Variants in ZBTB46 observed in about 807,000 individuals in gnomAD.
The protein encoded by ZBTB46 is zinc finger and BTB domain-containing protein 46.
Under a neutral mutation model 44.1 loss-of-function variants are expected in ZBTB46, and 8 were observed. The observed-to-expected ratio is 0.18, with a 90% CI of 0.11 to 0.33. ZBTB46 has a LOEUF of 0.33. Ranked by LOEUF, ZBTB46 falls within the 10% of genes least tolerant of loss-of-function variation. The probability of loss-of-function intolerance (pLI) is 1.00; values close to 1 mark genes in which losing one functional copy is unlikely to be tolerated. For missense variants in ZBTB46, 651 were observed against 847.7 expected (o/e 0.77, Z 2.88); for synonymous variants, 409 against 382.3 (o/e 1.07, Z -0.81).
At chr20:63,811,125 C>T (rs1256291255) in intron 1 of ZBTB46, among the ~76,000 whole-genome samples, 1 of 152,030 alleles carries the variant, frequency 6.6e-6, no homozygotes, top group Non-Finnish European at 1.5e-5. Context: ...AGCCCCACCC[C>T]GCCCAGCCCA....
At chr20:63,749,751 G>A (rs191422225) in intron 4 of ZBTB46, among the ~76,000 whole-genome samples, 171 of 152,338 alleles carry the variant, frequency 1.1e-3, no homozygotes, top group Non-Finnish European at 2.1e-3. Flanking sequence ...GTTGGAGCGG[G>A]GCTAGTGAAA....
At chr20:63,769,186 G>C in intron 3 of ZBTB46, 1 of 985,360 alleles carries the variant, frequency 1.0e-6, no homozygotes, top group Non-Finnish European at 1.2e-6. Flanking sequence ...GGGTGTCAGG[G>C]ACACCATGCC....
At chr20:63,758,836 A>G (rs2092248771) in intron 3 of ZBTB46, among the ~76,000 whole-genome samples, 1 of 150,122 alleles carries the variant, frequency 6.7e-6, no homozygotes, top group Admixed American at 6.7e-5. Flanking sequence ...GGTTCACGCC[A>G]TTCTCCTGCC....
intron 2 of ZBTB46, among the ~76,000 whole-genome samples, chr20:63,778,237 G>T (rs1241360607): frequency 6.6e-6 from 1 of 152,150 alleles, no homozygotes; most frequent in Non-Finnish European, 1.5e-5. Context: ...ACAACAAAAG[G>T]TGACGACTTG....
intron 3 of ZBTB46, among the ~76,000 whole-genome samples, chr20:63,760,824 G>A (rs923878456): frequency 3.4e-5 from 5 of 148,214 alleles, no homozygotes; most frequent in Non-Finnish European, 7.5e-5. Flanking sequence ...CGGTTTTGGG[G>A]TTTGCCCAGG....
chr20:63,822,759 G>A lies in ZBTB46; in HGVS notation c.-34+8338C>T, dbSNP rs185379412. On this transcript the variant is annotated intron_variant, in intron 1 of 4. Coordinates refer to ENST00000245663, the MANE Select transcript of ZBTB46 (RefSeq NM_001369741.1). ...CCAGGTGCTATGGCTCACACCTGTC[G>A]TCCCAGCACTTTGGGAGGCTGAGGC... Among the ~76,000 whole-genome samples, 59 of 152,216 alleles carry A rather than the reference G, an allele frequency of 3.9e-4. No homozygotes were observed. The East Asian group carries it at 9.3e-3, about 24-fold the overall frequency.
At chr20:63,830,826 C>A (rs1290184673) in intron 1 of ZBTB46, among the ~76,000 whole-genome samples, 2 of 144,256 alleles carry the variant, frequency 1.4e-5, no homozygotes, top group African/African-American at 2.5e-5. Context: ...CCGCGCCGCC[C>A]CCGCGCGCCC....
intron 1 of ZBTB46, among the ~76,000 whole-genome samples, chr20:63,823,858 T>TTGTGTGTGTG (rs11474683): frequency 0.017 from 2,414 of 144,802 alleles, 61 homozygotes; most frequent in East Asian, 0.11. Flanking sequence ...TCTAGGAACC[T>TTGTGTGTGTG]TGTGTGTGTG....
At chr20:63,771,548 G>A (rs2092373266) in intron 3 of ZBTB46, among the ~76,000 whole-genome samples, 1 of 152,076 alleles carries the variant, frequency 6.6e-6, no homozygotes, top group Non-Finnish European at 1.5e-5. Flanking sequence ...CCTGGGTACC[G>A]GCGAGTGGGG....
At chr20:63,777,416 G>A (rs936593924) in intron 2 of ZBTB46, among the ~76,000 whole-genome samples, 2 of 152,196 alleles carry the variant, frequency 1.3e-5, no homozygotes, top group African/African-American at 4.8e-5. Context: ...GTGGTGAGCT[G>A]TGATCGAGCC....
chr20:63,770,808 G>A (rs1391625611), intron 3 of ZBTB46, among the ~76,000 whole-genome samples: 2 of 152,216 alleles, frequency 1.3e-5, no homozygotes, highest in African/African-American at 2.4e-5. Flanking sequence ...AGTGAGGACC[G>A]CCGTGTCCCC....
In ZBTB46 at chr20:63,787,576, C is replaced by T. The variant is rs2092525971; in HGVS notation, c.937+2245G>A. 1 of 152,190 alleles carries T rather than the reference C, an allele frequency of 6.6e-6. No individual in the cohort carries two copies. Among genetic ancestry groups the T allele is most frequent in the Non-Finnish European group, 1.5e-5 (1 of 68,038 alleles). The allele number at this position is 152,190 out of a possible 1,614,324, so 9.4% of individuals were successfully genotyped here. A position where few individuals can be genotyped will look rare whatever the true frequency, so the allele number is the denominator to read the frequency against. ...CACAGCTGCCTGCAGTGCTCAGCAC[C>T]GTAACTAACACTGGCAGGTTTGTGC... On this transcript the variant is annotated intron_variant, in intron 2 of 4. Coordinates refer to ENST00000245663, the MANE Select transcript of ZBTB46 (RefSeq NM_001369741.1). The surrounding 1 kb of genome is among the most constrained non-coding windows in gnomAD (Gnocchi z 4.6).
intron 1 of ZBTB46, among the ~76,000 whole-genome samples, chr20:63,807,318 CT>C (rs779291937): frequency 1.3e-5 from 2 of 151,462 alleles, no homozygotes; most frequent in Non-Finnish European, 2.9e-5. Flanking sequence ...ACTACTGATT[CT>C]TTATTTGTTA....
intron 4 of ZBTB46, among the ~76,000 whole-genome samples, chr20:63,748,637 G>C (rs1887406): frequency 0.17 from 26,472 of 152,164 alleles, 2,867 homozygotes; most frequent in East Asian, 0.58. Context: ...AAGTCCACAC[G>C]AGGGGCTTCT....
intron 1 of ZBTB46, among the ~76,000 whole-genome samples, chr20:63,799,639 C>A (rs1222093418): frequency 6.6e-6 from 1 of 152,234 alleles, no homozygotes; most frequent in Non-Finnish European, 1.5e-5. Context: ...CAAGCCACCA[C>A]GTGTAGCCTG....
intron 2 of ZBTB46, among the ~76,000 whole-genome samples, chr20:63,781,140 CAAAAAAAAAAA>C (rs58102231): frequency 3.6e-5 from 3 of 83,934 alleles, no homozygotes; most frequent in African/African-American, 5.4e-5. Context: ...GACTCTGCCT[CAAAAAAAAAAA>C]AAAAAAAAAA....
intron 2 of ZBTB46, among the ~76,000 whole-genome samples, chr20:63,788,822 C>G (rs1284092800): frequency 1.3e-5 from 2 of 149,208 alleles, no homozygotes; most frequent in African/African-American, 4.9e-5. Context: ...CTGGGCAACA[C>G]GGTGAGACTG....
At chr20:63,824,576 ATCCCACCCAAAATTTC>A (rs1451022638) in intron 1 of ZBTB46, among the ~76,000 whole-genome samples, 2 of 152,088 alleles carry the variant, frequency 1.3e-5, no homozygotes, top group Admixed American at 1.3e-4. Flanking sequence ...AGAGGTTCTA[ATCCCACCCAAAATTTC>A]ACGTGGCCAA....
In ZBTB46 at chr20:63,775,685, C is replaced by G; in HGVS notation, c.1215G>C (p.Ser405=). The stretch of plus-strand genomic sequence containing the variant: ...CCCAGGGCCTGCACTTACGGGACAG[C>G]GAGTGGGCCCCTCTGGGCAGGTACT... ...LFEYLPRGAH[S]LSLNEFTVIR... is the part of the protein sequence containing the mutation. The change falls in exon 3 of 5, where the codon TCG becomes TCC. Residue 405 remains serine, a synonymous_variant. Coordinates refer to ENST00000245663, the MANE Select transcript of ZBTB46 (RefSeq NM_001369741.1). 1.3e-6 allele frequency: 2 copies of G among 1,570,106 alleles called. No individual in the cohort carries two copies. The highest frequency in any genetic ancestry group is 8.6e-7 in the Non-Finnish European group (1 of 1,156,412).
Sources: gnomAD v4.1 joint callset for allele counts (sites outside exome capture counted in the v4.1 genomes callset) on GRCh38, gnomAD v4.1.1 for gene constraint, Gnocchi (gnomAD v3.1) non-coding constraint, MANE v1.5 for transcripts, NCBI Gene and HGNC (gene_info 2026-07-23, HGNC 2026-07-21) for gene names.